Variants in CLSTN1 observed in about 807,000 individuals in gnomAD.
The protein encoded by CLSTN1 is calsyntenin-1.
Under a neutral mutation model 108.3 loss-of-function variants are expected in CLSTN1, and 28 were observed. The observed-to-expected ratio is 0.26, with a 90% CI of 0.19 to 0.35. The LOEUF is 0.35. Among genes scored for constraint, CLSTN1 ranks in the 10% least tolerant of loss-of-function variants. The pLI is 1.00. For synonymous variants in CLSTN1, 524 were observed against 534.9 expected, an observed-to-expected ratio of 0.98 and a Z score of 0.28; for missense variants, 1,157 against 1,302.6, an observed-to-expected ratio of 0.89 and a Z score of 1.72.
In CLSTN1 at chr1:9,730,287, G is replaced by T; in HGVS notation, c.*221C>A. On this transcript the variant is annotated 3_prime_UTR_variant, in exon 19 of 19. Coordinates refer to ENST00000377298, the MANE Select transcript of CLSTN1 (RefSeq NM_001009566.3). This position sits in a 1 kb window ranked among gnomAD's most constrained non-coding sequence, Gnocchi z 5.6. ...CTGTGCGAGCCGGATGGCGGCCAGA[G>T]AGGACGTGTCAGCTCCTCGTGGGAC... is the stretch of plus-strand genomic sequence containing the variant. 1.7e-6 allele frequency: 1 copy of T among 593,012 alleles called. No individual in the cohort carries two copies. The highest frequency in any genetic ancestry group is 2.9e-5 in the Admixed American group (1 of 33,942). 36.7% of individuals were successfully genotyped at this position (593,012 alleles called of 1,614,324 possible).
intron 10 of CLSTN1, among the ~76,000 whole-genome samples, chr1:9,739,226 A>C (rs1176828591): frequency 1.3e-5 from 2 of 152,216 alleles, no homozygotes; most frequent in East Asian, 3.8e-4. Context: ...CAATGACTGC[A>C]ACTTTGTCAC....
At position 9,741,080 on chromosome 1, in the gene CLSTN1, G is replaced by T. The variant is rs762381732; in HGVS notation, c.1519+14C>A. ...TTAATTCTCGAGTCGAGGGCGGGGG[G>T]TAATGACAGGTACCTTGCCAGCAAG... On this transcript the variant is annotated intron_variant, in intron 10 of 18. Coordinates refer to ENST00000377298, the MANE Select transcript of CLSTN1 (RefSeq NM_001009566.3). 7 of 1,610,032 alleles carry T rather than the reference G, an allele frequency of 4.3e-6. No individual in the cohort carries two copies. Among genetic ancestry groups the T allele is most frequent in the Admixed American group, 3.3e-5 (2 of 59,916 alleles).
At chr1:9,788,546 T>TGACA (rs1389857651) in intron 1 of CLSTN1, among the ~76,000 whole-genome samples, 1 of 142,238 alleles carries the variant, frequency 7.0e-6, no homozygotes, top group Non-Finnish European at 1.5e-5. Context: ...CCAGCCTGGG[T>TGACA]GACAGAGTGA....
In CLSTN1 at chr1:9,735,418, A is replaced by G. The variant is rs766990649; in HGVS notation, c.1883+49T>C. The G allele has an allele frequency of 8.1e-6, 13 of 1,612,990 alleles. No homozygotes were observed. The South Asian group carries it at 1.2e-4, about 15-fold the overall frequency. ...TAGGCTGTCTTAAAAACCTAAATAT[A>G]CAAGTGTCATTGGGCAAAACAGGCC... On this transcript the variant is annotated intron_variant, in intron 13 of 18. Transcript: ENST00000377298.
intron 1 of CLSTN1, among the ~76,000 whole-genome samples, chr1:9,776,858 G>A (rs1157476813): frequency 1.1e-5 from 1 of 91,044 alleles, no homozygotes; most frequent in Non-Finnish European, 2.2e-5. Context: ...TCATCTATCA[G>A]CATTTATCTA....
intron 4 of CLSTN1, among the ~76,000 whole-genome samples, chr1:9,752,200 C>T (rs191450832): frequency 2.0e-4 from 31 of 152,286 alleles, no homozygotes; most frequent in Admixed American, 3.9e-4. Flanking sequence ...TCCATGGCAT[C>T]ACCTGGTCCT....
chr1:9,818,702 A>T (rs1166243899), intron 1 of CLSTN1, among the ~76,000 whole-genome samples: 1 of 151,558 alleles, frequency 6.6e-6, no homozygotes, highest in Middle Eastern at 3.2e-3. Flanking sequence ...GTCCTGAAAC[A>T]CTACTAAAAT....
intron 1 of CLSTN1, among the ~76,000 whole-genome samples, chr1:9,778,229 C>G (rs1653051424): frequency 7.6e-6 from 1 of 131,868 alleles, no homozygotes; most frequent in Non-Finnish European, 1.6e-5. Context: ...CCCCAACACA[C>G]ACACACACAC....
At chr1:9,802,591 A>G (rs1182705979) in intron 1 of CLSTN1, among the ~76,000 whole-genome samples, 2 of 152,180 alleles carry the variant, frequency 1.3e-5, no homozygotes, top group African/African-American at 4.8e-5. Flanking sequence ...ACCCAAATGT[A>G]TGCTTTCTGA....
intron 1 of CLSTN1, among the ~76,000 whole-genome samples, chr1:9,790,891 T>C (rs576033906): frequency 4.0e-5 from 6 of 151,108 alleles, no homozygotes; most frequent in African/African-American, 1.4e-4. Flanking sequence ...CCCAGCACTT[T>C]GGGAGGCCAA....
intron 2 of CLSTN1, among the ~76,000 whole-genome samples, 173 bp downstream of exon 2, chr1:9,773,099 G>A (rs568791381): frequency 6.6e-6 from 1 of 152,122 alleles, no homozygotes; most frequent in Admixed American, 6.6e-5. Flanking sequence ...AGGCCTTTTT[G>A]TCAGCTACCC....
In CLSTN1 at chr1:9,750,715, C is replaced by CAAAAAAAAAAAA. The variant is rs775430059; in HGVS notation, c.649+746_649+757dup. Among the ~76,000 whole-genome samples the CAAAAAAAAAAAA allele has an allele frequency of 2.0e-3, 153 of 76,928 alleles. 2 individuals are homozygous for CAAAAAAAAAAAA. Among genetic ancestry groups the CAAAAAAAAAAAA allele is most frequent in the African/African-American group, 5.8e-3 (134 of 22,990 alleles). 50.5% of individuals were successfully genotyped at this position (76,928 alleles called of 152,430 possible). On this transcript the variant is annotated intron_variant, in intron 5 of 18. Coordinates refer to ENST00000377298, the MANE Select transcript of CLSTN1 (RefSeq NM_001009566.3). Reference sequence around the variant, plus strand: ...CGACAGAGCAAGACCTTCCCTCAAACAAAAAAAAAAAAAAAAAAGATGTCA... The same window carrying CAAAAAAAAAAAA: ...CGACAGAGCAAGACCTTCCCTCAAACAAAAAAAAAAAAAAAAAAAAAAAAAAAAAAGATGTCA...
At chr1:9,758,678 C>G (rs1651931790) in intron 2 of CLSTN1, among the ~76,000 whole-genome samples, 1 of 152,170 alleles carries the variant, frequency 6.6e-6, no homozygotes, top group Non-Finnish European at 1.5e-5. Flanking sequence ...GTATAGGTAG[C>G]TATAGTTTAT....
chr1:9,735,133 T>C lies in CLSTN1; in HGVS notation c.1925A>G (p.Asp642Gly). ...EATCISVPPV[D>G]GYVMVLQPEE... ...GGGCTGTAAAACCATCACGTAGCCA[T>C]CTACCGGGGGGACCGAAATGCAGGT... The change falls in exon 14 of 19, where the codon GAT (aspartate) becomes GGT (glycine). Residue 642 changes from aspartate to glycine, a missense_variant. By Grantham distance (94) the Asp-to-Gly change is moderately conservative. Coordinates refer to ENST00000377298, the MANE Select transcript of CLSTN1 (RefSeq NM_001009566.3). 2.5e-6 allele frequency: 4 copies of C among 1,614,168 alleles called. No individual in the cohort carries two copies. The highest frequency in any genetic ancestry group is 3.4e-6 in the Non-Finnish European group (4 of 1,180,036).
At chr1:9,755,895 C>A (rs1156506329) in intron 3 of CLSTN1, among the ~76,000 whole-genome samples, 2 of 152,144 alleles carry the variant, frequency 1.3e-5, no homozygotes, top group Non-Finnish European at 2.9e-5. Context: ...GGTAGAAATA[C>A]CGACTCGTCA....
At chr1:9,814,921 T>G (rs1224068517) in intron 1 of CLSTN1, among the ~76,000 whole-genome samples, 1 of 151,858 alleles carries the variant, frequency 6.6e-6, no homozygotes, top group African/African-American at 2.4e-5. Context: ...AAGAAAAATG[T>G]CACTTTTCTA....
rs541470440 is a variant in CLSTN1 at position 9,771,837 on chromosome 1, A to C, written c.214+1435T>G. Among the ~76,000 whole-genome samples, 19 of 152,312 alleles carry C rather than the reference A, an allele frequency of 1.2e-4. No individual in the cohort carries two copies. In the South Asian group the frequency reaches 3.9e-3, roughly 32 times the overall value. Reference sequence around the variant, plus strand: ...AAAATGTGATGTGGCGCCTAAACAGAATGAAGTACAAATTTATTTTTCAAA... The same window carrying C: ...AAAATGTGATGTGGCGCCTAAACAGCATGAAGTACAAATTTATTTTTCAAA... On this transcript the variant is annotated intron_variant, in intron 2 of 18. Transcript: ENST00000377298.
chr1:9,784,445 C>T (rs1370889525), intron 1 of CLSTN1, among the ~76,000 whole-genome samples: 2 of 152,114 alleles, frequency 1.3e-5, no homozygotes, highest in African/African-American at 4.8e-5. Flanking sequence ...GAGTTACAGG[C>T]TGCCGTGAGC....
rs141907444 is a variant in CLSTN1 at position 9,751,585 on chromosome 1, G to A, written c.537C>T (p.Tyr179=). The change falls in exon 5 of 19, where the codon TAC becomes TAT. Residue 179 remains tyrosine, a synonymous_variant. Transcript: ENST00000377298. ...YKATVIEGKQ[Y]DSILRVEAVD... ...CGGCCTCCACCCTCAAAATGCTGTCGTACTGCTTCCCCTCGATGACCGTGG... is the reference window on the plus strand; with the variant it reads ...CGGCCTCCACCCTCAAAATGCTGTCATACTGCTTCCCCTCGATGACCGTGG... 285 of 1,614,142 alleles carry A rather than the reference G, an allele frequency of 1.8e-4. No homozygotes were observed. In the African/African-American group the frequency reaches 2.4e-3, roughly 13 times the overall value.
Sources: allele counts gnomAD v4.1 joint callset (sites outside exome capture counted in the v4.1 genomes callset), GRCh38; gene constraint gnomAD v4.1.1; non-coding constraint Gnocchi (gnomAD v3.1); transcripts MANE v1.5; gene names NCBI Gene and HGNC (gene_info 2026-07-23, HGNC 2026-07-21).